The following ZBTB16 variants were observed in gnomAD, a reference collection of about 807,000 sequenced individuals.
The protein encoded by ZBTB16 is zinc finger and BTB domain-containing protein 16.
A neutral mutation model predicts 56.8 loss-of-function variants in ZBTB16; 8 were observed. The ratio of observed to expected loss-of-function variants is 0.14; its 90% CI spans 0.08 to 0.25. The LOEUF (loss-of-function observed/expected upper bound fraction) is 0.25, where lower values mean the gene tolerates loss of function less well. ZBTB16 is among the 10% of genes least tolerant of loss of function. The probability of loss-of-function intolerance (pLI) is 1.00; values close to 1 mark genes in which losing one functional copy is unlikely to be tolerated. For missense variants in ZBTB16, 625 were observed against 903.0 expected (o/e 0.69, Z 3.95); for synonymous variants, 363 against 368.5 (o/e 0.98, Z 0.17).
chr11:114,177,204 T>C (rs879687315), intron 3 of ZBTB16, among the ~76,000 whole-genome samples: 5 of 152,216 alleles, frequency 3.3e-5, no homozygotes, highest in Non-Finnish European at 7.3e-5. Flanking sequence ...AGCTACATTT[T>C]CAGGAGGGAA....
chr11:114,095,105 T>C (rs772879935), intron 2 of ZBTB16, among the ~76,000 whole-genome samples: 9 of 152,050 alleles, frequency 5.9e-5, no homozygotes, highest in Non-Finnish European at 1.0e-4. Flanking sequence ...CCAAGAAAAA[T>C]AGCACAAAGA....
intron 2 of ZBTB16, among the ~76,000 whole-genome samples, chr11:114,114,202 C>T (rs547922054): frequency 3.9e-5 from 6 of 152,314 alleles, no homozygotes; most frequent in African/African-American, 1.2e-4. Flanking sequence ...TCGTCCATGT[C>T]GGCCACAATG....
intron 4 of ZBTB16, chr11:114,210,846 CTCTT>C (rs970636065): frequency 3.2e-4 from 68 of 211,826 alleles, no homozygotes; most frequent in African/African-American, 1.4e-3. Flanking sequence ...GATGTAAAAA[CTCTT>C]TCTCCTCTGA....
At chr11:114,146,091 G>A (rs946236655) in intron 2 of ZBTB16, among the ~76,000 whole-genome samples, 2 of 152,154 alleles carry the variant, frequency 1.3e-5, no homozygotes, top group East Asian at 3.8e-4. Context: ...TACGGTAGGC[G>A]CTTAACAGAT....
intron 2 of ZBTB16, among the ~76,000 whole-genome samples, chr11:114,138,631 G>C (rs763149191): frequency 2.6e-5 from 4 of 151,352 alleles, no homozygotes; most frequent in Non-Finnish European, 5.9e-5. Context: ...AGTTTGTGTT[G>C]AGTTTTGAGT....
chr11:114,131,258 C>T (rs1049258487), intron 2 of ZBTB16, among the ~76,000 whole-genome samples: 7 of 152,142 alleles, frequency 4.6e-5, no homozygotes, highest in Admixed American at 4.6e-4. Flanking sequence ...AATTTCCTAT[C>T]GTGAACAGGA....
intron 5 of ZBTB16, among the ~76,000 whole-genome samples, chr11:114,246,371 A>G (rs1365587135): frequency 6.6e-6 from 1 of 152,366 alleles, no homozygotes; most frequent in Non-Finnish European, 1.5e-5. Flanking sequence ...GTTTCACCTT[A>G]GGGATGATGT....
intron 4 of ZBTB16, among the ~76,000 whole-genome samples, chr11:114,200,257 T>C (rs2135101069): frequency 6.6e-6 from 1 of 152,342 alleles, no homozygotes; most frequent in African/African-American, 2.4e-5. Context: ...GCAGTTTCTG[T>C]CCCTCACCAG....
At chr11:114,209,934 G>C in intron 4 of ZBTB16, 1 of 985,406 alleles carries the variant, frequency 1.0e-6, no homozygotes, top group Non-Finnish European at 1.2e-6. Context: ...GCAGCCACAG[G>C]AACAAAGAAA....
rs747319644 is a variant in ZBTB16 at position 114,064,243 on chromosome 11, G to A, written c.943G>A (p.Ala315Thr). The change falls in exon 2 of 7, where the codon GCC becomes ACC. Residue 315 changes from alanine (A) to threonine (T), a missense_variant. By Grantham distance (58) the Ala-to-Thr change is moderately conservative (BLOSUM62 0). Around this residue, in one of 6 missense-constraint regions of ZBTB16, gnomAD observed 384 missense variants for 393.5 expected, o/e 0.98. Coordinates refer to ENST00000335953, the MANE Select transcript of ZBTB16 (RefSeq NM_006006.6). The surrounding 1 kb of genome is among the most constrained non-coding windows in gnomAD (Gnocchi z 4.2). ...QVPPPAEAGQ[A>T]PTGRPEHPAP... is the part of the protein sequence containing the mutation. ...GCCACCCCCAGCTGAGGCTGGCCAG[G>A]CCCCCACTGGCCGACCTGAGCACCC... 14 of 1,613,972 alleles carry A rather than the reference G, an allele frequency of 8.7e-6. No homozygotes were observed. In the South Asian group the frequency reaches 1.2e-4, roughly 14 times the overall value.
intron 2 of ZBTB16, among the ~76,000 whole-genome samples, chr11:114,141,955 C>A (rs954617995): frequency 6.6e-6 from 1 of 152,230 alleles, no homozygotes; most frequent in African/African-American, 2.4e-5. Flanking sequence ...TCACCAATAT[C>A]ATCTAAACGT....
intron 2 of ZBTB16, among the ~76,000 whole-genome samples, chr11:114,153,817 A>G (rs1263822930): frequency 6.6e-6 from 1 of 152,226 alleles, no homozygotes; most frequent in African/African-American, 2.4e-5. Context: ...TCTCTATTCA[A>G]AATATTTGAT....
chr11:114,250,319 C>T lies in ZBTB16; in HGVS notation c.1793-7C>T, dbSNP rs747849463. The T allele has an allele frequency of 6.2e-7, 1 of 1,610,716 alleles. No individual in the cohort carries two copies. The highest frequency in any genetic ancestry group is 8.5e-7 in the Non-Finnish European group (1 of 1,179,956). ...CACTTTCTCCTGCCCTGTCCCTCCG[C>T]CCTCAGGTGAGAAGCCCTTTGAGTG... On this transcript the variant is annotated splice_region_variant and splice_polypyrimidine_tract_variant and intron_variant, in intron 6 of 6. Transcript: ENST00000335953. This position sits in a 1 kb window ranked among gnomAD's most constrained non-coding sequence, Gnocchi z 6.0.
chr11:114,171,606 G>A (rs1306341762), intron 3 of ZBTB16, among the ~76,000 whole-genome samples: 1 of 152,176 alleles, frequency 6.6e-6, no homozygotes, highest in African/African-American at 2.4e-5. Context: ...TCATTGTCAC[G>A]GGAGTACTCC....
chr11:114,216,475 A>C (rs948436320), intron 4 of ZBTB16, among the ~76,000 whole-genome samples: 52 of 152,196 alleles, frequency 3.4e-4, no homozygotes, highest in South Asian at 1.2e-3. Flanking sequence ...CTGGGTGACA[A>C]GGACAGGGGG....
In ZBTB16 at chr11:114,250,650, A is replaced by C. The variant is rs1378724934; in HGVS notation, c.*95A>C. ...ACTATGACAAATAAAAAAGGAAAAG[A>C]AAAAAAAAAACAGAAGGAAAAGGAA... On this transcript the variant is annotated 3_prime_UTR_variant, in exon 7 of 7. Transcript: ENST00000335953. The surrounding 1 kb of genome is among the most constrained non-coding windows in gnomAD (Gnocchi z 6.0). 1.0e-5 allele frequency: 11 copies of C among 1,076,332 alleles called. No individual in the cohort carries two copies. The highest frequency in any genetic ancestry group is 1.4e-5 in the Non-Finnish European group (11 of 765,852). 66.7% of individuals were successfully genotyped at this position (1,076,332 alleles called of 1,614,324 possible). A position where few individuals can be genotyped will look rare whatever the true frequency, so the allele number is the denominator to read the frequency against.
chr11:114,063,687 C>T lies in ZBTB16; in HGVS notation c.387C>T (p.Asp129=), dbSNP rs752278286. The T allele has an allele frequency of 1.9e-5, 30 of 1,614,060 alleles. No homozygotes were observed. The highest frequency in any genetic ancestry group is 1.2e-4 in the Admixed American group (7 of 60,014). Residue 129 remains aspartate, a synonymous_variant, in exon 2 of 7, where the codon GAC becomes GAT. Transcript: ENST00000335953. This position sits in a 1 kb window ranked among gnomAD's most constrained non-coding sequence, Gnocchi z 6.5. The stretch of plus-strand genomic sequence containing the variant: ...TGCTGGAGACCATCCAGGCCTCAGA[C>T]GACAATGACACGGAGGCCACCATGG... ...LKMLETIQAS[D]DNDTEATMAD...
At chr11:114,183,406 G>A (rs568405001) in intron 3 of ZBTB16, among the ~76,000 whole-genome samples, 2 of 152,294 alleles carry the variant, frequency 1.3e-5, no homozygotes, top group East Asian at 1.9e-4. Context: ...GTACACATCC[G>A]GCCCTTTATT....
intron 3 of ZBTB16, among the ~76,000 whole-genome samples, chr11:114,164,181 TC>T (rs985755948): frequency 1.8e-4 from 28 of 152,162 alleles, no homozygotes; most frequent in African/African-American, 6.5e-4. Context: ...TTGTCATTTT[TC>T]CCCCCTCAGA....
Sources: allele counts gnomAD v4.1 joint callset (sites outside exome capture counted in the v4.1 genomes callset), GRCh38; gene constraint gnomAD v4.1.1; regional missense constraint gnomAD v4.1.1; non-coding constraint Gnocchi (gnomAD v3.1); transcripts MANE v1.5; gene names NCBI Gene and HGNC (gene_info 2026-07-23, HGNC 2026-07-21).